Variants in CHEK1 observed in about 807,000 individuals in gnomAD.
CHEK1 encodes serine/threonine-protein kinase Chk1.
Under a neutral mutation model 60.2 loss-of-function variants are expected in CHEK1, and 32 were observed. The ratio of observed to expected loss-of-function variants is 0.53; its 90% CI spans 0.40 to 0.71. The LOEUF (loss-of-function observed/expected upper bound fraction) is 0.71, where lower values mean the gene tolerates loss of function less well. CHEK1 is among the 30% of genes least tolerant of loss of function. The probability of loss-of-function intolerance (pLI) is 0.00; values close to 1 mark genes in which losing one functional copy is unlikely to be tolerated. For missense variants in CHEK1, 399 were observed against 564.6 expected (o/e 0.71, Z 2.97); for synonymous variants, 179 against 187.2 (o/e 0.96, Z 0.36).
chr11:125,655,410 C>G lies in CHEK1; in HGVS notation c.*90C>G. The G allele has an allele frequency of 1.2e-6, 1 of 836,006 alleles. No individual in the cohort carries two copies. The highest frequency in any genetic ancestry group is 2.3e-4 in the Middle Eastern group (1 of 4,442). 51.8% of individuals were successfully genotyped at this position (836,006 alleles called of 1,614,324 possible). The stretch of plus-strand genomic sequence containing the variant: ...AGAGAAGATTATCCTGTCCTGCAAA[C>G]TGCAAATAGTAGTTCCTGAAGTGTT... On this transcript the variant is annotated 3_prime_UTR_variant, in exon 13 of 13. Transcript: ENST00000438015.
chr11:125,629,225 G>C lies in CHEK1; in HGVS notation c.290-7G>C. On this transcript the variant is annotated splice_polypyrimidine_tract_variant and splice_region_variant and intron_variant, in intron 3 of 12. Coordinates refer to ENST00000438015, the MANE Select transcript of CHEK1 (RefSeq NM_001114122.3). Reference sequence around the variant, plus strand: ...AGTCAATAAACTTACTTTCATATTTGTTTTAGAGCCAGACATAGGCATGCC... The same window carrying C: ...AGTCAATAAACTTACTTTCATATTTCTTTTAGAGCCAGACATAGGCATGCC... 6.2e-7 allele frequency: 1 copy of C among 1,613,870 alleles called. No homozygotes were observed. The highest frequency in any genetic ancestry group is 8.5e-7 in the Non-Finnish European group (1 of 1,179,786).
At position 125,625,432 on chromosome 11, in the gene CHEK1, T is replaced by C. The variant is rs775467140; in HGVS notation, c.-601T>C. ...GCTCCCAACACGGAGTTCCTCCCATTTCTTCACAGTCGGCTCTCAGCAGCT... is the reference window on the plus strand; with the variant it reads ...GCTCCCAACACGGAGTTCCTCCCATCTCTTCACAGTCGGCTCTCAGCAGCT... On this transcript the variant is annotated 5_prime_UTR_variant, in exon 1 of 13. Coordinates refer to ENST00000438015, the MANE Select transcript of CHEK1 (RefSeq NM_001114122.3). 92 of 303,500 alleles carry C rather than the reference T, an allele frequency of 3.0e-4. No individual in the cohort carries two copies. The highest frequency in any genetic ancestry group is 1.5e-3 in the South Asian group (13 of 8,958). The allele number at this position is 303,500 out of a possible 1,614,324, so 18.8% of individuals were successfully genotyped here.
At chr11:125,631,268 C>A (rs1312924358) in intron 5 of CHEK1, among the ~76,000 whole-genome samples, 1 of 151,694 alleles carries the variant, frequency 6.6e-6, no homozygotes, top group Non-Finnish European at 1.5e-5. Context: ...AGATATAATT[C>A]TTTGTTTCTA....
chr11:125,677,506 C>T (rs149956472), downstream of CHEK1, among the ~76,000 whole-genome samples: 42 of 152,216 alleles, frequency 2.8e-4, no homozygotes, highest in East Asian at 7.9e-3. Flanking sequence ...CTAGGGAAGT[C>T]GGAAGGGCTG....
chr11:125,663,924 A>G (rs766982369), intron 13 of CHEK1, among the ~76,000 whole-genome samples: 4 of 151,902 alleles, frequency 2.6e-5, no homozygotes, highest in South Asian at 2.1e-4. Flanking sequence ...TCCTTTTTCC[A>G]TTGCTTGTTT....
At position 125,627,799 on chromosome 11, in the gene CHEK1, C is replaced by T. The variant is rs759809691; in HGVS notation, c.258C>T (p.Tyr86=). The T allele has an allele frequency of 5.6e-6, 9 of 1,610,582 alleles. No homozygotes were observed. The highest frequency in any genetic ancestry group is 7.6e-6 in the Non-Finnish European group (9 of 1,179,020). The part of the protein sequence containing the change: ...EGNIQYLFLE[Y]CSGGELFDRI... ...ATATCCAATATTTATTTCTGGAGTACTGTAGTGGAGGAGAGCTTTTTGACA... is the reference window on the plus strand; with the variant it reads ...ATATCCAATATTTATTTCTGGAGTATTGTAGTGGAGGAGAGCTTTTTGACA... The change falls in exon 3 of 13, where the codon TAC becomes TAT. Residue 86 remains tyrosine (Y), a synonymous_variant. Coordinates refer to ENST00000438015, the MANE Select transcript of CHEK1 (RefSeq NM_001114122.3).
chr11:125,648,475 G>A (rs1020440851), intron 11 of CHEK1, among the ~76,000 whole-genome samples: 9 of 151,780 alleles, frequency 5.9e-5, no homozygotes, highest in Admixed American at 5.2e-4. Context: ...CCAGCTACTC[G>A]GGAGGCTGAG....
At chr11:125,639,625 GC>G (rs1211181142) in intron 8 of CHEK1, among the ~76,000 whole-genome samples, 3 of 152,020 alleles carry the variant, frequency 2.0e-5, no homozygotes, top group African/African-American at 7.2e-5. Context: ...CCCTGCCTCA[GC>G]CTCCCAAAGT....
chr11:125,635,648 G>A (rs911058415), intron 7 of CHEK1, 115 bp downstream of exon 7: 9 of 627,976 alleles, frequency 1.4e-5, no homozygotes, highest in East Asian at 6.1e-5. Flanking sequence ...ATTCATGTTC[G>A]TTGTAGATAA....
At position 125,637,550 on chromosome 11, in the gene CHEK1, AT is replaced by A; in HGVS notation, c.814+7del. The A allele has an allele frequency of 1.3e-6, 2 of 1,584,334 alleles. No individual in the cohort carries two copies. Among genetic ancestry groups the A allele is most frequent in the Non-Finnish European group, 1.7e-6 (2 of 1,161,068 alleles). Reference sequence around the variant, plus strand: ...CAACAAACCCCTCAAGAAAGGTAATATCCTTAAACTACAAGTTTGTTTGTTT... The same window carrying A: ...CAACAAACCCCTCAAGAAAGGTAATACCTTAAACTACAAGTTTGTTTGTTT... On this transcript the variant is annotated splice_region_variant and intron_variant, in intron 8 of 12. Transcript: ENST00000438015.
chr11:125,638,570 C>G (rs555005556), intron 8 of CHEK1, among the ~76,000 whole-genome samples: 3 of 152,100 alleles, frequency 2.0e-5, no homozygotes, highest in Non-Finnish European at 4.4e-5. Context: ...CCTCCTTGTC[C>G]TAACTTAAAG....
chr11:125,649,305 G>A (rs1300365895), intron 11 of CHEK1, among the ~76,000 whole-genome samples: 1 of 152,018 alleles, frequency 6.6e-6, no homozygotes, highest in Non-Finnish European at 1.5e-5. Context: ...TCCTGCCTTG[G>A]CCTCCCAAGT....
intron 11 of CHEK1, 88 bp downstream of exon 11, chr11:125,644,731 A>T (rs1029714300): frequency 1.4e-6 from 2 of 1,428,548 alleles, no homozygotes; most frequent in Non-Finnish European, 1.9e-6. Flanking sequence ...TTTTTTAAAT[A>T]TAGGCTGTGG....
rs146445217 is a variant in CHEK1 at position 125,656,337 on chromosome 11, T to C, written c.*1017T>C. 296 of 208,128 alleles carry C rather than the reference T, an allele frequency of 1.4e-3. 3 individuals carry two copies. Among genetic ancestry groups the C allele is most frequent in the African/African-American group, 6.4e-3 (283 of 44,096 alleles). 12.9% of individuals were successfully genotyped at this position (208,128 alleles called of 1,614,324 possible). On this transcript the variant is annotated 3_prime_UTR_variant, in exon 13 of 13. Coordinates refer to ENST00000438015, the MANE Select transcript of CHEK1 (RefSeq NM_001114122.3). ...GTGCACTCCAGCTTGGATGACAGAGTAAGACCCTACCTCTAATAAAAATTT... is the reference window on the plus strand; with the variant it reads ...GTGCACTCCAGCTTGGATGACAGAGCAAGACCCTACCTCTAATAAAAATTT...
At chr11:125,638,989 C>T (rs1004924693) in intron 8 of CHEK1, among the ~76,000 whole-genome samples, 1 of 152,152 alleles carries the variant, frequency 6.6e-6, no homozygotes, top group Non-Finnish European at 1.5e-5. Context: ...TCTGGACTTG[C>T]AATTAATTAA....
Position 125,627,591 on chromosome 11 carries a change from C to G in CHEK1, c.66-16C>G. ...GAAATGGAATTCTGTAATGTTAAAA[C>G]TCTTTTCCTTTTTAGAGTTCAACTT... On this transcript the variant is annotated splice_polypyrimidine_tract_variant and intron_variant, in intron 2 of 12. Transcript: ENST00000438015. 1 of 1,591,820 alleles carries G rather than the reference C, an allele frequency of 6.3e-7. No homozygotes were observed. Among genetic ancestry groups the G allele is most frequent in the African/African-American group, 1.4e-5 (1 of 73,800 alleles).
chr11:125,674,083 G>T (rs1321697524), intron 13 of CHEK1, among the ~76,000 whole-genome samples: 1 of 152,096 alleles, frequency 6.6e-6, no homozygotes, highest in Non-Finnish European at 1.5e-5. Flanking sequence ...GGCAGAGGTT[G>T]CAGTGAGCTG....
chr11:125,663,399 T>C (rs1942051469), intron 13 of CHEK1, among the ~76,000 whole-genome samples: 1 of 152,174 alleles, frequency 6.6e-6, no homozygotes, highest in African/African-American at 2.4e-5. Flanking sequence ...TTGAATTTCA[T>C]TTTTTTGCCT....
At chr11:125,676,965 G>A (rs1292735584), downstream of CHEK1, among the ~76,000 whole-genome samples, 1 of 152,058 alleles carries the variant, frequency 6.6e-6, no homozygotes. Context: ...TGACCTTATT[G>A]AAGGTCACTA....
Sources: gnomAD v4.1 joint callset for allele counts (sites outside exome capture counted in the v4.1 genomes callset) on GRCh38, gnomAD v4.1.1 for gene constraint, MANE v1.5 for transcripts, NCBI Gene and HGNC (gene_info 2026-07-23, HGNC 2026-07-21) for gene names.